The following PPARG variants were observed in gnomAD, a reference collection of about 807,000 sequenced individuals.
PPARG encodes the protein peroxisome proliferator-activated receptor gamma.
PPARG carries 17 observed loss-of-function variants against 39.2 expected under a neutral mutation model. That is an observed-to-expected ratio of 0.43 (90% CI 0.30 to 0.65). The LOEUF (loss-of-function observed/expected upper bound fraction) is 0.65, where lower values mean the gene tolerates loss of function less well. Among genes scored for constraint, PPARG ranks in the 30% least tolerant of loss-of-function variants. PPARG has a pLI of 0.13. For missense variants in PPARG, 406 were observed against 585.9 expected (o/e 0.69, Z 3.17); for synonymous variants, 223 against 215.7 (o/e 1.03, Z -0.30).
chr3:12,415,703 C>T (rs1162127929), intron 6 of PPARG, among the ~76,000 whole-genome samples: 2 of 152,116 alleles, frequency 1.3e-5, no homozygotes, highest in Non-Finnish European at 2.9e-5. Context: ...GCAGCATTCA[C>T]CTGTAGGCCT....
At position 12,417,017 on chromosome 3, in the gene PPARG, G is replaced by A. The variant is rs758720345; in HGVS notation, c.1043G>A (p.Arg348Lys). ...LISEGQGFMT[R>K]EFLKSLRKPF... Reference sequence around the variant, plus strand: ...TCCGAGGGCCAAGGCTTCATGACAAGGGAGTTTCTAAAGAGCCTGCGAAAG... The same window carrying A: ...TCCGAGGGCCAAGGCTTCATGACAAAGGAGTTTCTAAAGAGCCTGCGAAAG... The change falls in exon 7 of 8, where the codon AGG becomes AAG. Residue 348 changes from arginine to lysine, a missense_variant. Physicochemically the swap from Arg to Lys is conservative, Grantham distance 26. Coordinates refer to ENST00000651735, the MANE Select transcript of PPARG (RefSeq NM_138711.6). 1 of 1,613,588 alleles carries A rather than the reference G, an allele frequency of 6.2e-7. No homozygotes were observed. The highest frequency in any genetic ancestry group is 8.5e-7 in the Non-Finnish European group (1 of 1,179,698).
At chr3:12,414,645 A>T (rs2050997563) in intron 6 of PPARG, among the ~76,000 whole-genome samples, 1 of 152,094 alleles carries the variant, frequency 6.6e-6, no homozygotes, top group South Asian at 2.1e-4. Context: ...ATTTTCATCG[A>T]TGTTACTTGC....
At chr3:12,337,656 T>C (rs73134734) in intron 2 of PPARG, among the ~76,000 whole-genome samples, 13,208 of 152,258 alleles carry the variant, frequency 0.087, 728 homozygotes, top group Admixed American at 0.17. Flanking sequence ...GAGCTGAAAG[T>C]CGAGCCTGGC....
intron 2 of PPARG, among the ~76,000 whole-genome samples, chr3:12,335,895 ACGT>A (rs1176594497): frequency 6.6e-6 from 1 of 151,808 alleles, no homozygotes; most frequent in Non-Finnish European, 1.5e-5. Context: ...AGGACCAAAG[ACGT>A]CGTGACACCA....
intron 7 of PPARG, among the ~76,000 whole-genome samples, chr3:12,423,356 A>G (rs1027818688): frequency 1.3e-5 from 2 of 152,252 alleles, no homozygotes; most frequent in Admixed American, 1.3e-4. Context: ...TCCAGCTCAC[A>G]GAACACCAGT....
At chr3:12,345,486 T>G (rs1023112086) in intron 2 of PPARG, among the ~76,000 whole-genome samples, 1 of 152,178 alleles carries the variant, frequency 6.6e-6, no homozygotes, top group Non-Finnish European at 1.5e-5. Context: ...AAGAACTGAT[T>G]TGAACGTCTT....
At chr3:12,408,547 G>GTTTTC (rs1245029997) in intron 6 of PPARG, among the ~76,000 whole-genome samples, 15 of 146,772 alleles carry the variant, frequency 1.0e-4, no homozygotes, top group South Asian at 2.2e-4. Flanking sequence ...GTTTTGGTTA[G>GTTTTC]TTTTCTTTTC....
intron 1 of PPARG, among the ~76,000 whole-genome samples, chr3:12,292,964 A>G (rs1487374565): frequency 6.6e-6 from 1 of 152,238 alleles, no homozygotes; most frequent in Non-Finnish European, 1.5e-5. Context: ...GGCGAAGGCA[A>G]AGAAAGGCTC....
chr3:12,397,276 G>A (rs115508493), intron 5 of PPARG, among the ~76,000 whole-genome samples: 1,940 of 151,336 alleles, frequency 0.013, 37 homozygotes, highest in African/African-American at 0.045. Context: ...ACATTTTTAA[G>A]GTAGTTCTCT....
intron 2 of PPARG, among the ~76,000 whole-genome samples, chr3:12,333,545 A>G (rs1048956285): frequency 6.6e-6 from 1 of 152,068 alleles, no homozygotes; most frequent in Non-Finnish European, 1.5e-5. Flanking sequence ...GCTCACTGCA[A>G]CCTCAACCTA....
At chr3:12,379,567 A>G (rs937373423) in intron 2 of PPARG, 137 bp from the exon 3 acceptor site, 9 of 757,226 alleles carry the variant, frequency 1.2e-5, no homozygotes, top group Middle Eastern at 6.0e-4. Context: ...GAAGGTGGTT[A>G]TGTTCTTTTC....
chr3:12,359,930 T>C (rs983232118), intron 2 of PPARG, among the ~76,000 whole-genome samples: 2 of 152,074 alleles, frequency 1.3e-5, no homozygotes, highest in African/African-American at 4.8e-5. Context: ...GCCTGCACTT[T>C]TCAAAGTGCT....
chr3:12,343,928 T>G (rs1007693970), intron 2 of PPARG, among the ~76,000 whole-genome samples: 11 of 144,232 alleles, frequency 7.6e-5, no homozygotes, highest in Admixed American at 1.4e-4. Flanking sequence ...TGGGGCAAAC[T>G]CGGCTCACTA....
chr3:12,404,783 G>A (rs1482918892), intron 5 of PPARG, among the ~76,000 whole-genome samples: 1 of 152,152 alleles, frequency 6.6e-6, no homozygotes, highest in African/African-American at 2.4e-5. Flanking sequence ...CAGCCTGGGC[G>A]ACAGAGCAAG....
chr3:12,375,563 T>C (rs1241145706), intron 2 of PPARG, among the ~76,000 whole-genome samples: 1 of 152,138 alleles, frequency 6.6e-6, no homozygotes, highest in Non-Finnish European at 1.5e-5. Flanking sequence ...GAAATATACT[T>C]TAATATGAAA....
At chr3:12,321,903 T>C (rs2047557292) in intron 2 of PPARG, among the ~76,000 whole-genome samples, 1 of 152,246 alleles carries the variant, frequency 6.6e-6, no homozygotes, top group Non-Finnish European at 1.5e-5. Context: ...TACCAAATAT[T>C]ATGCAAGTAA....
chr3:12,358,548 T>A (rs972413552), intron 2 of PPARG, among the ~76,000 whole-genome samples: 7 of 152,234 alleles, frequency 4.6e-5, no homozygotes, highest in Non-Finnish European at 1.0e-4. Context: ...TCACTGGACA[T>A]TATCTTACTA....
intron 1 of PPARG, among the ~76,000 whole-genome samples, chr3:12,298,989 C>T (rs1187227161): frequency 2.0e-5 from 3 of 152,080 alleles, no homozygotes; most frequent in Non-Finnish European, 1.5e-5. Flanking sequence ...GTGTGAGCCA[C>T]TACACCCAGC....
intron 2 of PPARG, among the ~76,000 whole-genome samples, chr3:12,337,645 G>A (rs533961142): frequency 6.6e-5 from 10 of 152,270 alleles, no homozygotes; most frequent in South Asian, 2.1e-4. Flanking sequence ...AGTTAGTGGC[G>A]GAGCTGAAAG....
Sources: allele counts gnomAD v4.1 joint callset (sites outside exome capture counted in the v4.1 genomes callset), GRCh38; gene constraint gnomAD v4.1.1; transcripts MANE v1.5; gene names NCBI Gene and HGNC (gene_info 2026-07-23, HGNC 2026-07-21).